RBFOX1: variants seen among roughly 807,000 people sequenced by gnomAD.
RBFOX1 encodes the protein RNA binding fox-1 homolog 1.
Under a neutral mutation model 57.7 loss-of-function variants are expected in RBFOX1, and 8 were observed. That is an observed-to-expected ratio of 0.14 (90% CI 0.08 to 0.25). The LOEUF (loss-of-function observed/expected upper bound fraction) is 0.25. Ranked by LOEUF, RBFOX1 falls within the 10% of genes least tolerant of loss-of-function variation. The pLI is 1.00. For missense variants in RBFOX1, 611 were observed against 548.5 expected (o/e 1.11, Z -1.14); for synonymous variants, 326 against 222.4 (o/e 1.47, Z -4.15).
intron 2 of RBFOX1, among the ~76,000 whole-genome samples, chr16:6,553,044 C>T (rs1599642491): frequency 1.3e-5 from 2 of 152,166 alleles, no homozygotes; most frequent in Admixed American, 1.3e-4. Flanking sequence ...TGTTTTGACA[C>T]TTCAGTGGCA....
Position 6,442,472 on chromosome 16 carries a change from G to A in RBFOX1, c.-64+125415G>A, listed in dbSNP as rs1228684311. Among the ~76,000 whole-genome samples, 3 of 151,928 alleles carry A rather than the reference G, an allele frequency of 2.0e-5. No individual in the cohort carries two copies. In the South Asian group the frequency reaches 6.2e-4, roughly 32 times the overall value. On this transcript the variant is annotated intron_variant, in intron 2 of 15. Transcript: ENST00000550418. ...CTCAGGAGGCTGAGGCAGGAGAATC[G>A]CTTGAGCCTGGGAAGCGGAGGTTGC...
intron 3 of RBFOX1, among the ~76,000 whole-genome samples, chr16:6,750,020 G>A (rs570990206): frequency 1.3e-5 from 2 of 152,210 alleles, no homozygotes; most frequent in South Asian, 4.2e-4. Flanking sequence ...GTCTTGGGTT[G>A]GAAAGTCATC....
intron 3 of RBFOX1, among the ~76,000 whole-genome samples, chr16:5,686,833 C>G (rs1275150791): frequency 6.6e-6 from 1 of 152,160 alleles, no homozygotes; most frequent in East Asian, 1.9e-4. Context: ...TGACAGAAGT[C>G]ATAAATTGTT....
intron 2 of RBFOX1, among the ~76,000 whole-genome samples, chr16:6,528,180 C>T (rs781605173): frequency 3.9e-5 from 6 of 152,062 alleles, no homozygotes; most frequent in Non-Finnish European, 5.9e-5. Context: ...CACTTTTATC[C>T]TCCCCCCATA....
chr16:7,170,818 C>G (rs996456132), intron 4 of RBFOX1, among the ~76,000 whole-genome samples: 2 of 152,182 alleles, frequency 1.3e-5, no homozygotes, highest in African/African-American at 4.8e-5. Flanking sequence ...AGAGCTTCCA[C>G]TTAAATCCAG....
At chr16:6,175,574 T>G (rs1476435680) in intron 1 of RBFOX1, among the ~76,000 whole-genome samples, 1 of 152,172 alleles carries the variant, frequency 6.6e-6, no homozygotes, top group African/African-American at 2.4e-5. Flanking sequence ...GCATAGCACC[T>G]AGTAATAGCT....
intron 1 of RBFOX1, among the ~76,000 whole-genome samples, chr16:5,245,386 C>G (rs2062272542): frequency 6.6e-6 from 1 of 152,112 alleles, no homozygotes; most frequent in Non-Finnish European, 1.5e-5. Context: ...GGGTCTGGGG[C>G]TAGGAAGGCA....
chr16:5,845,978 G>T (rs770061364), intron 3 of RBFOX1, among the ~76,000 whole-genome samples: 1 of 152,134 alleles, frequency 6.6e-6, no homozygotes, highest in African/African-American at 2.4e-5. Flanking sequence ...TTCAAGACCA[G>T]CTTGGCCAAG....
chr16:7,466,377 T>C (rs750020043), intron 4 of RBFOX1, among the ~76,000 whole-genome samples: 1 of 152,298 alleles, frequency 6.6e-6, no homozygotes, highest in Middle Eastern at 3.4e-3. Context: ...AACTGCATTA[T>C]CTCATTAAAT....
intron 4 of RBFOX1, among the ~76,000 whole-genome samples, chr16:7,219,290 G>A (rs1005747488): frequency 6.6e-6 from 1 of 152,202 alleles, no homozygotes; most frequent in East Asian, 1.9e-4. Flanking sequence ...CAAAGTTAAG[G>A]ACTGTAAGAC....
intron 1 of RBFOX1, among the ~76,000 whole-genome samples, chr16:5,407,812 G>T (rs1040932987): frequency 1.3e-5 from 2 of 152,248 alleles, no homozygotes; most frequent in Non-Finnish European, 2.9e-5. Flanking sequence ...GCCTCCCAAA[G>T]TGCTGGGATT....
intron 4 of RBFOX1, among the ~76,000 whole-genome samples, chr16:7,457,893 G>T (rs1255662591): frequency 6.6e-6 from 1 of 151,996 alleles, no homozygotes; most frequent in Admixed American, 6.6e-5. Context: ...ATACTCTAAT[G>T]TCCAGTTAAC....
chr16:5,955,356 A>AAAAATAAAAT (rs71142658), intron 4 of RBFOX1, among the ~76,000 whole-genome samples: 1 of 27,250 alleles, frequency 3.7e-5, no homozygotes, highest in African/African-American at 1.9e-4. Context: ...TAAAATAAAT[A>AAAAATAAAAT]AAAATAAAAT....
chr16:6,341,836 C>T (rs1311281898), intron 2 of RBFOX1, among the ~76,000 whole-genome samples: 1 of 152,120 alleles, frequency 6.6e-6, no homozygotes, highest in African/African-American at 2.4e-5. Context: ...AATCCAAGAA[C>T]CGTTTATTGG....
intron 3 of RBFOX1, among the ~76,000 whole-genome samples, chr16:6,710,831 C>T (rs1475001717): frequency 6.6e-6 from 1 of 152,252 alleles, no homozygotes; most frequent in African/African-American, 2.4e-5. Flanking sequence ...GTAACTGTAG[C>T]AAAAACAAAT....
At chr16:6,757,500 G>A (rs1318769143) in intron 3 of RBFOX1, among the ~76,000 whole-genome samples, 1 of 152,184 alleles carries the variant, frequency 6.6e-6, no homozygotes. Context: ...CAGCAACATG[G>A]ATGGAACTGG....
intron 4 of RBFOX1, among the ~76,000 whole-genome samples, chr16:7,363,354 C>T (rs4787006): frequency 0.47 from 72,035 of 151,968 alleles, 19,181 homozygotes; most frequent in East Asian, 0.73. Context: ...TTAATGACTT[C>T]TTCTGTCCAA....
chr16:5,241,722 T>A (rs1318325309), intron 1 of RBFOX1, among the ~76,000 whole-genome samples: 2 of 152,188 alleles, frequency 1.3e-5, no homozygotes, highest in African/African-American at 2.4e-5. Flanking sequence ...GCACATAGTG[T>A]ATGGTGGATA....
At chr16:5,396,658 A>G (rs1373665974) in intron 1 of RBFOX1, among the ~76,000 whole-genome samples, 2 of 152,150 alleles carry the variant, frequency 1.3e-5, no homozygotes, top group Admixed American at 6.5e-5. Flanking sequence ...AAAGAAAAAG[A>G]TGAAAGAAGG....
Sources: gnomAD v4.1 joint callset for allele counts (sites outside exome capture counted in the v4.1 genomes callset) on GRCh38, gnomAD v4.1.1 for gene constraint, MANE v1.5 for transcripts, NCBI Gene and HGNC (gene_info 2026-07-23, HGNC 2026-07-21) for gene names.